MME: variants seen among roughly 807,000 people sequenced by gnomAD.
MME encodes membrane metalloendopeptidase, also known as neprilysin.
Under a neutral mutation model 113.2 loss-of-function variants are expected in MME, and 98 were observed. The ratio of observed to expected loss-of-function variants is 0.87; its 90% CI spans 0.74 to 1.02. The LOEUF is 1.02. Ranked by LOEUF, MME falls within the 50% of genes least tolerant of loss-of-function variation. MME has a pLI of 0.00. For synonymous variants in MME, 292 were observed against 300.6 expected (o/e 0.97, Z 0.30); for missense variants, 836 against 896.0 (o/e 0.93, Z 0.86).
At chr3:155,140,366 A>C in intron 10 of MME, 74 bp downstream of exon 10, 1 of 942,330 alleles carries the variant, frequency 1.1e-6, no homozygotes, top group African/African-American at 1.7e-5. Flanking sequence ...TCTTTCTAAA[A>C]TTCGTCAAGT....
chr3:155,099,802 T>G (rs1412127553), intron 3 of MME, among the ~76,000 whole-genome samples: 2 of 152,226 alleles, frequency 1.3e-5, no homozygotes. Context: ...CTATCATTGT[T>G]GGACATTTGG....
intron 5 of MME, 48 bp downstream of exon 5, chr3:155,116,607 T>TATATATATATATATA: frequency 1.0e-5 from 15 of 1,443,098 alleles, no homozygotes; most frequent in East Asian, 2.3e-5. Flanking sequence ...TATATATATA[T>TATATATATATATATA]TGGTGCCAAA....
chr3:155,178,736 C>T (rs1239027282), intron 22 of MME, among the ~76,000 whole-genome samples: 3 of 152,176 alleles, frequency 2.0e-5, no homozygotes, highest in Non-Finnish European at 2.9e-5. Context: ...CCTTCTCCCT[C>T]CTATACTTTG....
chr3:155,114,378 A>T (rs1453107251), intron 3 of MME, among the ~76,000 whole-genome samples: 1 of 152,224 alleles, frequency 6.6e-6, no homozygotes. Flanking sequence ...GAAAGATAAA[A>T]GTGGACCTAA....
intron 1 of MME, among the ~76,000 whole-genome samples, chr3:155,062,472 A>G (rs996006527): frequency 5.3e-5 from 8 of 152,190 alleles, no homozygotes; most frequent in Non-Finnish European, 1.2e-4. Context: ...TTCATTACCA[A>G]CAAGAGGCAA....
intron 1 of MME, among the ~76,000 whole-genome samples, chr3:155,024,940 C>G (rs1712727031): frequency 6.6e-6 from 1 of 152,146 alleles, no homozygotes; most frequent in Non-Finnish European, 1.5e-5. Context: ...TCAAACAACT[C>G]AAAACCATGC....
At chr3:155,118,036 A>C (rs1353288256) in intron 7 of MME, among the ~76,000 whole-genome samples, 1 of 152,144 alleles carries the variant, frequency 6.6e-6, no homozygotes, top group Non-Finnish European at 1.5e-5. Context: ...TTGGGTATTA[A>C]ACATGGACCA....
intron 8 of MME, among the ~76,000 whole-genome samples, chr3:155,126,931 CA>C (rs2108280915): frequency 6.7e-6 from 1 of 149,724 alleles, no homozygotes; most frequent in Admixed American, 6.8e-5. Context: ...CGCTTGAACC[CA>C]GGAGATAAAG....
chr3:155,084,306 G>A lies in MME; in HGVS notation c.139G>A (p.Ala47Thr), dbSNP rs139929993. 56 of 1,614,102 alleles carry A rather than the reference G, an allele frequency of 3.5e-5. No homozygotes were observed. The highest frequency in any genetic ancestry group is 2.1e-4 in the African/African-American group (16 of 75,042). ...CACCATCATAGCTGTGACAATGATCGCACTCTATGCAACCTACGATGGTGA... is the reference window on the plus strand; with the variant it reads ...CACCATCATAGCTGTGACAATGATCACACTCTATGCAACCTACGATGGTGA... ...LLTIIAVTMI[A>T]LYATYDDGIC... The change falls in exon 2 of 23, where the codon GCA becomes ACA. Residue 47 changes from alanine (A) to threonine (T), a missense_variant. Coordinates refer to ENST00000360490, the MANE Select transcript of MME (RefSeq NM_007289.4).
chr3:155,155,907 C>T (rs994354327), intron 16 of MME, among the ~76,000 whole-genome samples: 3 of 152,146 alleles, frequency 2.0e-5, no homozygotes, highest in Non-Finnish European at 2.9e-5. Flanking sequence ...TGTTGCCAAA[C>T]AGAACTACAC....
At chr3:155,116,588 G>T in intron 5 of MME, 29 bp downstream of exon 5, 2 of 1,098,696 alleles carry the variant, frequency 1.8e-6, no homozygotes, top group Non-Finnish European at 2.6e-6. Flanking sequence ...ATTTCATTAG[G>T]AGTATATATA....
At chr3:155,161,587 A>G (rs1722729153) in intron 17 of MME, among the ~76,000 whole-genome samples, 2 of 152,118 alleles carry the variant, frequency 1.3e-5, no homozygotes, top group Admixed American at 1.3e-4. Flanking sequence ...CAAGTCTAAA[A>G]AGAGTTAGGT....
chr3:155,117,886 T>G (rs1039455269), intron 7 of MME, among the ~76,000 whole-genome samples: 2 of 152,262 alleles, frequency 1.3e-5, no homozygotes, highest in Non-Finnish European at 2.9e-5. Flanking sequence ...TGTTTTCTTT[T>G]CTATTGGCCT....
At position 155,085,952 on chromosome 3, in the gene MME, T is replaced by C. The variant is rs952433396; in HGVS notation, c.196+858T>C. Among the ~76,000 whole-genome samples the C allele has an allele frequency of 1.5e-4, 23 of 152,324 alleles. No homozygotes were observed. In the South Asian group the frequency reaches 4.8e-3, roughly 32 times the overall value. ...AGAAGTAGTAAAAGTGTACGCTTGA[T>C]AGAAGGACACATTATGGAGAACCTT... On this transcript the variant is annotated intron_variant, in intron 3 of 22. Coordinates refer to ENST00000360490, the MANE Select transcript of MME (RefSeq NM_007289.4).
chr3:155,069,224 T>A (rs1714475711), intron 1 of MME, among the ~76,000 whole-genome samples: 1 of 151,598 alleles, frequency 6.6e-6, no homozygotes, highest in Non-Finnish European at 1.5e-5. Flanking sequence ...AAGAGAGAGA[T>A]GAAAAGAGAA....
At chr3:155,082,167 C>T (rs1715208420) in intron 1 of MME, among the ~76,000 whole-genome samples, 1 of 152,110 alleles carries the variant, frequency 6.6e-6, no homozygotes, top group Admixed American at 6.5e-5. Flanking sequence ...TTCCACAGAG[C>T]ACCTGTAATT....
intron 16 of MME, chr3:155,158,512 T>C (rs1722472267): frequency 6.6e-6 from 1 of 152,086 alleles, no homozygotes; most frequent in Non-Finnish European, 1.5e-5. Flanking sequence ...TTGACTTTCT[T>C]GCCAGACAGC....
intron 3 of MME, among the ~76,000 whole-genome samples, chr3:155,094,064 A>G (rs781279051): frequency 1.9e-4 from 29 of 152,218 alleles, no homozygotes; most frequent in Non-Finnish European, 3.7e-4. Flanking sequence ...ATGTAGGTTA[A>G]TAATCAGATG....
intron 7 of MME, among the ~76,000 whole-genome samples, 186 bp downstream of exon 7, chr3:155,117,172 G>A (rs892475961): frequency 2.6e-5 from 4 of 152,120 alleles, no homozygotes; most frequent in Admixed American, 1.3e-4. Context: ...TCTTAATGCT[G>A]TTTTCGACAT....
Sources: allele counts gnomAD v4.1 joint callset (sites outside exome capture counted in the v4.1 genomes callset), GRCh38; gene constraint gnomAD v4.1.1; transcripts MANE v1.5; gene names NCBI Gene and HGNC (gene_info 2026-07-23, HGNC 2026-07-21).